Variants in PPP2R1B observed in about 807,000 individuals in gnomAD.
The protein encoded by PPP2R1B is serine/threonine-protein phosphatase 2A 65 kDa regulatory subunit A beta isoform.
In PPP2R1B, 58 loss-of-function variants were observed where a neutral mutation model predicts 72.7. The ratio of observed to expected loss-of-function variants is 0.80; its 90% confidence interval spans 0.65 to 0.99. The LOEUF is 0.99. PPP2R1B is among the 50% of genes least tolerant of loss of function. The pLI is 0.00. For synonymous variants in PPP2R1B, 256 were observed against 264.6 expected (o/e 0.97, Z 0.32); for missense variants, 695 against 733.6 (o/e 0.95, Z 0.61).
rs545485503 is a variant in PPP2R1B at position 111,757,227 on chromosome 11, G to C, written c.688-1777C>G. Among the ~76,000 whole-genome samples the C allele has an allele frequency of 4.6e-5, 7 of 152,104 alleles. No homozygotes were observed. In the East Asian group the frequency reaches 1.4e-3, roughly 29 times the overall value. On this transcript the variant is annotated intron_variant, in intron 5 of 14. Transcript: ENST00000527614. ...AGAATCTTAATACATGTAAACATTA[G>C]CACCCAGGAGAAATAGGTAAAAAAT...
chr11:111,708,553 A>G, the PPP2R1B span, among the ~76,000 whole-genome samples: 11 of 152,026 alleles, frequency 7.2e-5, no homozygotes, highest in Admixed American at 5.9e-4. Flanking sequence ...TTTTTTTCTC[A>G]TACATTCTAA....
In PPP2R1B at chr11:111,737,971, G is replaced by A. The variant is rs1354450675; in HGVS notation, c.*3625C>T. 1.7e-5 allele frequency: 17 copies of A among 1,018,484 alleles called. No individual in the cohort carries two copies. The highest frequency in any genetic ancestry group is 1.7e-5 in the African/African-American group (1 of 59,006). 63.1% of individuals were successfully genotyped at this position (1,018,484 alleles called of 1,614,324 possible). On this transcript the variant is annotated 3_prime_UTR_variant, in exon 15 of 15. Transcript: ENST00000527614. ...AGTAATTAAACTCTATTCGTCCTCC[G>A]GAAGATTTCCATCCCAACTGAACGT...
At chr11:111,744,110 G>C (rs1012040277) in intron 11 of PPP2R1B, among the ~76,000 whole-genome samples, 1 of 152,202 alleles carries the variant, frequency 6.6e-6, no homozygotes, top group African/African-American at 2.4e-5. Context: ...TGAAACCTGT[G>C]AGACTTCTAA....
At chr11:111,697,269 T>C in the PPP2R1B span, among the ~76,000 whole-genome samples, 1 of 152,214 alleles carries the variant, frequency 6.6e-6, no homozygotes, top group Non-Finnish European at 1.5e-5. Flanking sequence ...AATCAGCTCC[T>C]GTCACATAGT....
At chr11:111,726,131 T>C (rs965588523), downstream of PPP2R1B, 2 of 152,234 alleles carry the variant, frequency 1.3e-5, no homozygotes, top group Non-Finnish European at 2.9e-5. Context: ...TTGATTTGTT[T>C]AGACTGAAGG....
Position 111,739,505 on chromosome 11 carries a change from C to T in PPP2R1B, c.*2091G>A, listed in dbSNP as rs1944448679. 1 of 985,326 alleles carries T rather than the reference C, an allele frequency of 1.0e-6. No individual in the cohort carries two copies. The highest frequency in any genetic ancestry group is 1.2e-6 in the Non-Finnish European group (1 of 829,954). The allele number at this position is 985,326 out of a possible 1,614,324, so 61.0% of individuals were successfully genotyped here. On this transcript the variant is annotated 3_prime_UTR_variant, in exon 15 of 15. Transcript: ENST00000527614. ...AGGGGTCACCACAAAAGACAGAGGC[C>T]CCGCTGAACCCCCGACCCATGCTTG...
chr11:111,743,645 A>G, intron 11 of PPP2R1B, 115 bp from the exon 12 acceptor site: 1 of 1,220,948 alleles, frequency 8.2e-7, no homozygotes, highest in Non-Finnish European at 1.1e-6. Context: ...CTGCAATCAG[A>G]CTCCACATGT....
At position 111,766,323 on chromosome 11, in the gene PPP2R1B, T is replaced by A. The variant is rs781989464; in HGVS notation, c.39A>T (p.Ala13=). The A allele has an allele frequency of 6.4e-7, 1 of 1,554,332 alleles. No homozygotes were observed. Among genetic ancestry groups the A allele is most frequent in the Non-Finnish European group, 8.7e-7 (1 of 1,155,890 alleles). The stretch of plus-strand genomic sequence containing the variant: ...GCGAATCATCTCCATCTCCACCCGC[T>A]GCTCCTGGGCCGGTCCCGAGCTCTG... ...GASELGTGPG[A]AGGDGDDSLY... Residue 13 remains alanine, a synonymous_variant, in exon 1 of 15, where the codon GCA becomes GCT. Coordinates refer to ENST00000527614, the MANE Select transcript of PPP2R1B (RefSeq NM_002716.5).
chr11:111,732,341 GC>G (rs1447461154), intron 15 of PPP2R1B, among the ~76,000 whole-genome samples: 1 of 152,128 alleles, frequency 6.6e-6, no homozygotes, highest in Non-Finnish European at 1.5e-5. Flanking sequence ...GGCCCCCGAG[GC>G]CCCCCTCCCC....
the PPP2R1B span, chr11:111,705,179 C>G: frequency 6.7e-7 from 1 of 1,490,658 alleles, no homozygotes; most frequent in Non-Finnish European, 8.9e-7. The surrounding 1 kb of genome is among the most constrained non-coding windows in gnomAD (Gnocchi z 4.3). Flanking sequence ...TGTGCATGTG[C>G]CTGTTCACAT....
chr11:111,725,004 G>T (rs945069283), downstream of PPP2R1B: 2 of 152,504 alleles, frequency 1.3e-5, no homozygotes, highest in Admixed American at 1.3e-4. Flanking sequence ...CGGTCTCCAG[G>T]GTACCTGTTG....
At chr11:111,746,038 A>G (rs1022832173) in intron 11 of PPP2R1B, among the ~76,000 whole-genome samples, 3 of 152,260 alleles carry the variant, frequency 2.0e-5, no homozygotes, top group Non-Finnish European at 2.9e-5. Context: ...CCAAACTGAA[A>G]GAGAAAATCC....
the PPP2R1B span, among the ~76,000 whole-genome samples, chr11:111,713,800 C>T: frequency 6.6e-6 from 1 of 152,108 alleles, no homozygotes; most frequent in African/African-American, 2.4e-5. Context: ...AACTCCGTCT[C>T]TACTAAAAAT....
At chr11:111,734,099 C>A (rs189531919), downstream of PPP2R1B, among the ~76,000 whole-genome samples, 1 of 152,194 alleles carries the variant, frequency 6.6e-6, no homozygotes, top group Non-Finnish European at 1.5e-5. Flanking sequence ...GGGTTTACTG[C>A]GAGGGGCAAA....
At chr11:111,734,743 G>A (rs780473602), downstream of PPP2R1B, among the ~76,000 whole-genome samples, 6 of 152,192 alleles carry the variant, frequency 3.9e-5, no homozygotes, top group African/African-American at 1.2e-4. Context: ...AACAAAATCC[G>A]CTGGCCAAGA....
intron 6 of PPP2R1B, 49 bp from the exon 7 acceptor site, chr11:111,755,143 A>G (rs1229868400): frequency 7.1e-6 from 11 of 1,552,000 alleles, no homozygotes; most frequent in Non-Finnish European, 8.8e-6. Context: ...AAAAGAATTA[A>G]CAAGAACAAA....
chr11:111,709,967 G>C, the PPP2R1B span, among the ~76,000 whole-genome samples: 1 of 152,216 alleles, frequency 6.6e-6, no homozygotes, highest in Non-Finnish European at 1.5e-5. Flanking sequence ...GTCGTAGTTA[G>C]GGCATGGGCA....
chr11:111,713,598 C>T, the PPP2R1B span, among the ~76,000 whole-genome samples: 2 of 152,136 alleles, frequency 1.3e-5, no homozygotes, highest in Non-Finnish European at 2.9e-5. Context: ...TCTGCCTCTC[C>T]AGAGTCCACT....
intron 15 of PPP2R1B, among the ~76,000 whole-genome samples, chr11:111,731,495 C>T (rs1267596644): frequency 6.6e-6 from 1 of 152,268 alleles, no homozygotes; most frequent in African/African-American, 2.4e-5. Flanking sequence ...CATCCTGGAC[C>T]TGTTTCAGTG....
Sources: gnomAD v4.1 joint callset for allele counts (sites outside exome capture counted in the v4.1 genomes callset) on GRCh38, gnomAD v4.1.1 for gene constraint, Gnocchi (gnomAD v3.1) non-coding constraint, MANE v1.5 for transcripts, NCBI Gene and HGNC (gene_info 2026-07-23, HGNC 2026-07-21) for gene names.